Variants in NRG1 observed in about 807,000 individuals in gnomAD.
NRG1 encodes the protein neuregulin 1.
In NRG1, 18 loss-of-function variants were observed where a neutral mutation model predicts 63.8. The ratio of observed to expected loss-of-function variants is 0.28; its 90% confidence interval spans 0.19 to 0.42. NRG1 has a LOEUF of 0.42. Ranked by LOEUF, NRG1 falls within the 10% of genes least tolerant of loss-of-function variation. The pLI is 1.00. For synonymous variants in NRG1, 302 were observed against 301.3 expected, an observed-to-expected ratio of 1.00 and a Z score of -0.02; for missense variants, 762 against 814.7, an observed-to-expected ratio of 0.94 and a Z score of 0.79.
At chr8:32,563,028 T>G (rs1387577334) in intron 1 of NRG1, among the ~76,000 whole-genome samples, 1 of 152,208 alleles carries the variant, frequency 6.6e-6, no homozygotes, top group East Asian at 1.9e-4. Flanking sequence ...ACAAGGTTGT[T>G]TAACCCATGG....
chr8:31,686,729 T>G (rs1808929885), intron 1 of NRG1, among the ~76,000 whole-genome samples: 1 of 152,148 alleles, frequency 6.6e-6, no homozygotes, highest in African/African-American at 2.4e-5. Flanking sequence ...AGATTCCTTT[T>G]TAGGAAAGGT....
intron 5 of NRG1, among the ~76,000 whole-genome samples, chr8:32,687,449 A>G (rs964256900): frequency 2.6e-5 from 4 of 152,226 alleles, no homozygotes; most frequent in African/African-American, 9.6e-5. Context: ...AGGGAAAACC[A>G]GAAACCACAT....
intron 1 of NRG1, among the ~76,000 whole-genome samples, chr8:32,233,563 A>ATATAT (rs34593729): frequency 0.047 from 3,118 of 67,022 alleles, 118 homozygotes; most frequent in Non-Finnish European, 0.059. Context: ...ATATATATAT[A>ATATAT]TTTTTTTTTT....
At chr8:32,053,543 T>C (rs546810719) in intron 1 of NRG1, among the ~76,000 whole-genome samples, 1 of 152,262 alleles carries the variant, frequency 6.6e-6, no homozygotes, top group East Asian at 1.9e-4. Flanking sequence ...CCTCTTTTCA[T>C]CATGAAAGCT....
In NRG1 at chr8:32,754,480, CCTT is replaced by C. The variant is rs748824572; in HGVS notation, c.794+10_794+12del. 1.4e-5 allele frequency: 22 copies of C among 1,612,738 alleles called. No homozygotes were observed. The South Asian group carries it at 1.9e-4, about 14-fold the overall frequency. Reference sequence around the variant, plus strand: ...GTGGCCTACTGCAAAACCAAGTAAACCTTCTTTCTCCATGCCTTTCTCTCTCCT... The same window carrying C: ...GTGGCCTACTGCAAAACCAAGTAAACCTTTCTCCATGCCTTTCTCTCTCCT... On this transcript the variant is annotated splice_region_variant and intron_variant, in intron 8 of 11. Coordinates refer to ENST00000356819, the Ensembl canonical transcript of NRG1.
intron 1 of NRG1, among the ~76,000 whole-genome samples, chr8:32,082,687 C>T (rs1369054660): frequency 2.6e-5 from 4 of 152,132 alleles, no homozygotes; most frequent in Non-Finnish European, 4.4e-5. Flanking sequence ...ACCTCATAGA[C>T]ATGCATTTGA....
chr8:32,548,627 C>G (rs1833428542), exon 1 of NRG1: 1 of 1,440,172 alleles, frequency 6.9e-7, no homozygotes, highest in Non-Finnish European at 9.1e-7. Flanking sequence ...GCTCGCTCTC[C>G]CCCTCGAGGG....
intron 1 of NRG1, among the ~76,000 whole-genome samples, chr8:32,040,320 G>C (rs1457839514): frequency 6.6e-6 from 1 of 152,120 alleles, no homozygotes; most frequent in African/African-American, 2.4e-5. Flanking sequence ...GCTACTCAAG[G>C]AATTGATTAA....
chr8:31,643,848 A>T (rs952722038), intron 1 of NRG1, among the ~76,000 whole-genome samples: 1 of 152,248 alleles, frequency 6.6e-6, no homozygotes, highest in Middle Eastern at 3.2e-3. Flanking sequence ...TCCAAAAAGG[A>T]GTACAAACAC....
intron 1 of NRG1, among the ~76,000 whole-genome samples, chr8:32,512,524 C>T (rs569115580): frequency 5.5e-4 from 84 of 152,284 alleles, no homozygotes; most frequent in South Asian, 1.0e-3. Context: ...TTATTATATA[C>T]CAGACATTCT....
At chr8:32,711,178 T>C (rs1315131652) in intron 5 of NRG1, among the ~76,000 whole-genome samples, 3 of 152,046 alleles carry the variant, frequency 2.0e-5, no homozygotes, top group Non-Finnish European at 4.4e-5. Flanking sequence ...TTCCTCTTTA[T>C]TATTTTGAGA....
chr8:32,344,711 G>A (rs1420854238), intron 1 of NRG1, among the ~76,000 whole-genome samples: 1 of 148,874 alleles, frequency 6.7e-6, no homozygotes, highest in Non-Finnish European at 1.5e-5. Context: ...TGCTTCAAAA[G>A]TGCTAGGATT....
At chr8:32,368,853 A>C (rs1388503834) in intron 1 of NRG1, among the ~76,000 whole-genome samples, 3 of 152,236 alleles carry the variant, frequency 2.0e-5, no homozygotes, top group Non-Finnish European at 4.4e-5. Context: ...AGACTATAGA[A>C]AGCTATGAAA....
chr8:32,447,892 G>C (rs1449426715), intron 1 of NRG1, among the ~76,000 whole-genome samples: 1 of 151,528 alleles, frequency 6.6e-6, no homozygotes, highest in South Asian at 2.1e-4. Flanking sequence ...TTTCTATAAC[G>C]GATTGCATGG....
chr8:32,439,471 G>T (rs1819229160), intron 1 of NRG1, among the ~76,000 whole-genome samples: 2 of 152,084 alleles, frequency 1.3e-5, no homozygotes, highest in Admixed American at 6.6e-5. Context: ...TTTCTCTAGT[G>T]AAACCTGAAG....
At chr8:32,578,176 A>T (rs1255249461) in intron 1 of NRG1, among the ~76,000 whole-genome samples, 4 of 152,036 alleles carry the variant, frequency 2.6e-5, no homozygotes, top group Non-Finnish European at 5.9e-5. Context: ...TTGTATTTTT[A>T]GTAGAGACAA....
chr8:32,535,520 A>G (rs917261045), intron 1 of NRG1, among the ~76,000 whole-genome samples: 1 of 152,190 alleles, frequency 6.6e-6, no homozygotes, highest in African/African-American at 2.4e-5. Flanking sequence ...AAATAGAAAA[A>G]AAGCCACAAC....
At chr8:32,609,501 C>A (rs756994707) in intron 3 of NRG1, among the ~76,000 whole-genome samples, 16 of 151,630 alleles carry the variant, frequency 1.1e-4, no homozygotes, top group Non-Finnish European at 2.1e-4. Flanking sequence ...AGATATTTAC[C>A]GTTGACTTGG....
In NRG1 at chr8:31,640,329, C is replaced by T; in HGVS notation, c.37+898C>T. On this transcript the variant is annotated intron_variant, in intron 1 of 10. Coordinates refer to the NRG1 transcript ENST00000519301. The surrounding 1 kb of genome is among the most constrained non-coding windows in gnomAD (Gnocchi z 6.3). The stretch of plus-strand genomic sequence containing the variant: ...AGGCAGGGGCGTGGGGCGGCGATCG[C>T]GAGCCGCCAGCCGCGGGCCCACGGG... 3 of 1,176,276 alleles carry T rather than the reference C, an allele frequency of 2.6e-6. No homozygotes were observed. Among genetic ancestry groups the T allele is most frequent in the African/African-American group, 1.6e-5 (1 of 61,950 alleles). 72.9% of individuals were successfully genotyped at this position (1,176,276 alleles called of 1,614,324 possible).
Sources: allele counts gnomAD v4.1 joint callset (sites outside exome capture counted in the v4.1 genomes callset), GRCh38; gene constraint gnomAD v4.1.1; non-coding constraint Gnocchi (gnomAD v3.1); transcripts MANE v1.5; gene names NCBI Gene and HGNC (gene_info 2026-07-23, HGNC 2026-07-21).